The following TENT2 variants were observed in gnomAD, a reference collection of about 807,000 sequenced individuals.
TENT2 encodes poly(A) RNA polymerase GLD2.
TENT2 carries 44 observed loss-of-function variants against 72.2 expected under a neutral mutation model. The observed-to-expected ratio is 0.61, with a 90% confidence interval of 0.48 to 0.78. The LOEUF is 0.78. TENT2 is among the 30% of genes least tolerant of loss of function. TENT2 has a pLI of 0.00. For synonymous variants in TENT2, 212 were observed against 192.5 expected, an observed-to-expected ratio of 1.10 and a Z score of -0.84; for missense variants, 541 against 569.6, an observed-to-expected ratio of 0.95 and a Z score of 0.51.
chr5:79,626,323 T>C (rs893402886), intron 4 of TENT2, among the ~76,000 whole-genome samples: 37 of 150,714 alleles, frequency 2.5e-4, no homozygotes, highest in African/African-American at 8.8e-4. Context: ...TTTTTTTTTT[T>C]TTGAGACGGA....
At chr5:79,630,106 G>A (rs1232819446) in intron 4 of TENT2, among the ~76,000 whole-genome samples, 1 of 152,206 alleles carries the variant, frequency 6.6e-6, no homozygotes, top group Non-Finnish European at 1.5e-5. Context: ...CTGTACTCCA[G>A]CCTGGGTGAC....
chr5:79,680,046 A>C (rs1466308309), intron 13 of TENT2, among the ~76,000 whole-genome samples: 2 of 152,168 alleles, frequency 1.3e-5, no homozygotes, highest in Admixed American at 1.3e-4. Flanking sequence ...ACTTTTATTA[A>C]TAGAAATTGA....
chr5:79,620,432 G>A (rs1763825514), intron 3 of TENT2: 5 of 163,056 alleles, frequency 3.1e-5, no homozygotes, highest in Admixed American at 1.3e-4. Context: ...CATTTGCTAG[G>A]GTAGGGTTGC....
chr5:79,676,251 C>T (rs1817227724), intron 12 of TENT2, among the ~76,000 whole-genome samples: 1 of 151,722 alleles, frequency 6.6e-6, no homozygotes, highest in Non-Finnish European at 1.5e-5. Flanking sequence ...CTTTATGTCG[C>T]TTAAGACAGC....
chr5:79,616,189 A>AT (rs1229523040), intron 1 of TENT2, among the ~76,000 whole-genome samples: 3,555 of 88,100 alleles, frequency 0.04, 231 homozygotes, highest in Non-Finnish European at 0.046. Context: ...ACCCGGCCTA[A>AT]TTTTTTTTTT....
chr5:79,643,037 C>A, intron 7 of TENT2, 127 bp downstream of exon 7: 2 of 1,180,126 alleles, frequency 1.7e-6, no homozygotes, highest in Non-Finnish European at 1.1e-6. Context: ...TTCTTTTTTC[C>A]AAATGAATTT....
chr5:79,674,144 G>A lies in TENT2; in HGVS notation c.1208+5116G>A, dbSNP rs193176208. Among the ~76,000 whole-genome samples, 337 of 152,304 alleles carry A rather than the reference G, an allele frequency of 2.2e-3. 1 individual carries two copies. The highest frequency in any genetic ancestry group is 3.5e-3 in the Non-Finnish European group (240 of 68,024). On this transcript the variant is annotated intron_variant, in intron 12 of 14. Transcript: ENST00000453514. The stretch of plus-strand genomic sequence containing the variant: ...CACGCCTGTAATACCAGCACTTTGG[G>A]AGGTCGAGGCAGGCAGATCATGAGG...
chr5:79,646,875 C>A (rs1043007105), intron 8 of TENT2, among the ~76,000 whole-genome samples: 1 of 151,426 alleles, frequency 6.6e-6, no homozygotes. Context: ...CTCAAGTGAT[C>A]CTCCCATCTC....
intron 11 of TENT2, among the ~76,000 whole-genome samples, chr5:79,661,655 A>T (rs1039351392): frequency 1.2e-4 from 18 of 152,228 alleles, no homozygotes; most frequent in African/African-American, 4.3e-4. Context: ...CTTTATTGCT[A>T]CAAAATGCTA....
intron 1 of TENT2, among the ~76,000 whole-genome samples, chr5:79,619,292 G>A (rs79873710): frequency 0.025 from 3,858 of 152,244 alleles, 167 homozygotes; most frequent in African/African-American, 0.088. Context: ...GTAATAATCT[G>A]TGGGATTTTA....
chr5:79,678,062 C>G (rs1189675598), intron 12 of TENT2, among the ~76,000 whole-genome samples: 2 of 152,184 alleles, frequency 1.3e-5, no homozygotes, highest in African/African-American at 4.8e-5. Flanking sequence ...GGATCTAAAA[C>G]ATTTTCCTGT....
At chr5:79,665,398 A>G (rs1806669580) in intron 11 of TENT2, among the ~76,000 whole-genome samples, 1 of 152,176 alleles carries the variant, frequency 6.6e-6, no homozygotes, top group Admixed American at 6.5e-5. Context: ...AATTGTCCAC[A>G]TTTCAGACTT....
intron 10 of TENT2, among the ~76,000 whole-genome samples, chr5:79,649,399 T>A (rs1371495755): frequency 6.6e-6 from 1 of 151,746 alleles, no homozygotes; most frequent in East Asian, 1.9e-4. Flanking sequence ...TTTTTTTTTA[T>A]TTTTTGGAAG....
chr5:79,631,276 C>G (rs537238473), intron 4 of TENT2, among the ~76,000 whole-genome samples: 1 of 152,260 alleles, frequency 6.6e-6, no homozygotes, highest in South Asian at 2.1e-4. Flanking sequence ...GAGGATTACA[C>G]TCAAGTTTCT....
At chr5:79,632,884 CT>C (rs1163197599) in intron 4 of TENT2, among the ~76,000 whole-genome samples, 1 of 152,068 alleles carries the variant, frequency 6.6e-6, no homozygotes, top group African/African-American at 2.4e-5. Context: ...TCCTATCTTT[CT>C]TTTTTGGGCA....
At chr5:79,635,880 AAATACT>A (rs1192051804) in intron 4 of TENT2, among the ~76,000 whole-genome samples, 1 of 152,172 alleles carries the variant, frequency 6.6e-6, no homozygotes, top group African/African-American at 2.4e-5. Context: ...GCTATTCAAC[AAATACT>A]GAGTACCTAC....
At chr5:79,637,428 T>G (rs1462661096) in intron 4 of TENT2, among the ~76,000 whole-genome samples, 1 of 152,134 alleles carries the variant, frequency 6.6e-6, no homozygotes, top group Non-Finnish European at 1.5e-5. Flanking sequence ...TTCATTTTAT[T>G]TTATTTCAGT....
At chr5:79,643,526 G>A (rs1300483722) in intron 7 of TENT2, among the ~76,000 whole-genome samples, 4 of 152,144 alleles carry the variant, frequency 2.6e-5, no homozygotes, top group African/African-American at 7.2e-5. Flanking sequence ...TACACTGTGT[G>A]ATATTGGAAA....
At chr5:79,682,259 T>C (rs1822558847) in intron 14 of TENT2, among the ~76,000 whole-genome samples, 198 bp downstream of exon 14, 2 of 152,260 alleles carry the variant, frequency 1.3e-5, no homozygotes, top group African/African-American at 4.8e-5. Context: ...CACATTGCTT[T>C]CACTTTCATA....
Sources: allele counts gnomAD v4.1 joint callset (sites outside exome capture counted in the v4.1 genomes callset), GRCh38; gene constraint gnomAD v4.1.1; transcripts MANE v1.5; gene names NCBI Gene and HGNC (gene_info 2026-07-23, HGNC 2026-07-21).